The following RAB28 variants were observed in gnomAD, a reference collection of about 807,000 sequenced individuals.
RAB28 encodes the protein RAB28, member RAS oncogene family.
In RAB28, 24 loss-of-function variants were observed where a neutral mutation model predicts 31.7. The observed-to-expected ratio is 0.76, with a 90% CI of 0.55 to 1.06. RAB28 has a LOEUF of 1.06. Ranked by LOEUF, RAB28 falls within the 50% of genes least tolerant of loss-of-function variation. RAB28 has a pLI of 0.00. For missense variants in RAB28, 254 were observed against 258.5 expected, an observed-to-expected ratio of 0.98 and a Z score of 0.12; for synonymous variants, 100 against 90.4, an observed-to-expected ratio of 1.11 and a Z score of -0.60.
chr4:13,373,500 A>G (rs1012840022), intron 6 of RAB28, among the ~76,000 whole-genome samples: 1 of 152,104 alleles, frequency 6.6e-6, no homozygotes, highest in African/African-American at 2.4e-5. Flanking sequence ...GAGGATAGGG[A>G]CTTTCTCTTA....
chr4:13,369,735 G>A (rs903187965), intron 6 of RAB28: 18 of 839,716 alleles, frequency 2.1e-5, no homozygotes, highest in South Asian at 4.5e-5. Context: ...AAATCAAGAC[G>A]TAGACGTGAT....
chr4:13,399,723 CTATTTA>C (rs1711636993), intron 4 of RAB28, among the ~76,000 whole-genome samples: 1 of 152,086 alleles, frequency 6.6e-6, no homozygotes. Flanking sequence ...CATGAAATTT[CTATTTA>C]TGTTTTATGT....
chr4:13,416,123 G>A (rs1712766383), intron 4 of RAB28, among the ~76,000 whole-genome samples: 2 of 152,118 alleles, frequency 1.3e-5, no homozygotes, highest in Admixed American at 6.5e-5. Flanking sequence ...AGCAGGATGT[G>A]GGTGGGGCCA....
At chr4:13,448,797 T>C (rs1359291568) in intron 4 of RAB28, among the ~76,000 whole-genome samples, 1 of 152,008 alleles carries the variant, frequency 6.6e-6, no homozygotes, top group Admixed American at 6.6e-5. Context: ...TTTAAGTATA[T>C]ATAACAAAAT....
intron 4 of RAB28, among the ~76,000 whole-genome samples, chr4:13,427,442 G>A (rs73819854): frequency 0.056 from 8,479 of 152,248 alleles, 541 homozygotes; most frequent in African/African-American, 0.16. Context: ...CACTCCTTCT[G>A]CCTACAGGTA....
chr4:13,484,303 T>C lies in RAB28; in HGVS notation c.-153A>G, dbSNP rs538823325. ...GCAGGAGGTATTCGAGGAGAATCAC[T>C]CGGCAAGCGCCATCTTGCCCACCTC... On this transcript the variant is annotated 5_prime_UTR_variant, in exon 1 of 7. Coordinates refer to ENST00000330852, the MANE Select transcript of RAB28 (RefSeq NM_001017979.3). 383 of 635,730 alleles carry C rather than the reference T, an allele frequency of 6.0e-4. 1 individual carries two copies. The highest frequency in any genetic ancestry group is 2.3e-3 in the Admixed American group (96 of 41,770). 39.4% of individuals were successfully genotyped at this position (635,730 alleles called of 1,614,324 possible).
rs148710897 is a variant in RAB28 at position 13,368,511 on chromosome 4, C to T, written c.*47G>A. The T allele has an allele frequency of 8.8e-3, 13,871 of 1,575,366 alleles. 83 individuals are homozygous for T. The highest frequency in any genetic ancestry group is 0.011 in the Middle Eastern group (64 of 5,864). On this transcript the variant is annotated 3_prime_UTR_variant, in exon 7 of 7. Coordinates refer to ENST00000330852, the MANE Select transcript of RAB28 (RefSeq NM_001017979.3). ...GTTCCTAGAAGTCCTCGGGCCCACCCAGAGGTGAAGGGCAGCCAGAACTAT... is the reference window on the plus strand; with the variant it reads ...GTTCCTAGAAGTCCTCGGGCCCACCTAGAGGTGAAGGGCAGCCAGAACTAT...
intron 2 of RAB28, among the ~76,000 whole-genome samples, chr4:13,475,708 C>T (rs1291037172): frequency 6.6e-6 from 1 of 151,556 alleles, no homozygotes; most frequent in Non-Finnish European, 1.5e-5. Context: ...CAGACACACA[C>T]TTTCAACACT....
intron 4 of RAB28, among the ~76,000 whole-genome samples, chr4:13,392,210 C>G (rs1729669242): frequency 6.6e-6 from 1 of 152,110 alleles, no homozygotes; most frequent in Admixed American, 6.5e-5. Flanking sequence ...ACTTGGATAA[C>G]TTCCAGGATA....
At chr4:13,415,860 C>T (rs1712745644) in intron 4 of RAB28, among the ~76,000 whole-genome samples, 1 of 152,226 alleles carries the variant, frequency 6.6e-6, no homozygotes, top group African/African-American at 2.4e-5. Context: ...CTGGTGGGGA[C>T]TTGGAGAACC....
chr4:13,408,483 G>T (rs28697063), intron 4 of RAB28, among the ~76,000 whole-genome samples: 1 of 151,942 alleles, frequency 6.6e-6, no homozygotes, highest in Non-Finnish European at 1.5e-5. Flanking sequence ...CTTTTTTTGT[G>T]TGTGTCTCTG....
At chr4:13,463,338 T>C (rs1560142546) in intron 3 of RAB28, among the ~76,000 whole-genome samples, 2 of 152,174 alleles carry the variant, frequency 1.3e-5, no homozygotes, top group Admixed American at 6.5e-5. Flanking sequence ...ATGAGAGATA[T>C]GGAACAAACA....
At chr4:13,390,855 T>G (rs908787396) in intron 4 of RAB28, among the ~76,000 whole-genome samples, 4 of 152,154 alleles carry the variant, frequency 2.6e-5, no homozygotes, top group African/African-American at 7.2e-5. Flanking sequence ...TAGCCATATC[T>G]AGAAAGGTGA....
At chr4:13,445,984 C>T (rs1050594067) in intron 4 of RAB28, among the ~76,000 whole-genome samples, 1 of 152,286 alleles carries the variant, frequency 6.6e-6, no homozygotes, top group South Asian at 2.1e-4. Context: ...CGCCCCTCCC[C>T]CCAGGTGCTC....
intron 2 of RAB28, among the ~76,000 whole-genome samples, chr4:13,477,490 A>G (rs898746507): frequency 6.6e-6 from 1 of 151,620 alleles, no homozygotes; most frequent in African/African-American, 2.4e-5. Context: ...ATGTACATTA[A>G]AGTATATAAA....
rs145357403 is a variant in RAB28 at position 13,469,554 on chromosome 4, G to A, written c.261+4764C>T. ...AAAATACTACCATCCGTAGTATTTT[G>A]TAAACTTCAAGATTTTTAGTAAGTA... is the stretch of plus-strand genomic sequence containing the variant. On this transcript the variant is annotated intron_variant, in intron 3 of 6. Transcript: ENST00000330852. 4.5e-3 allele frequency among the ~76,000 whole-genome samples: 685 copies of A among 151,970 alleles called. 2 individuals carry two copies. The highest frequency in any genetic ancestry group is 6.8e-3 in the Middle Eastern group (2 of 294).
At chr4:13,390,255 C>T (rs1039595814) in intron 4 of RAB28, among the ~76,000 whole-genome samples, 1 of 152,120 alleles carries the variant, frequency 6.6e-6, no homozygotes, top group African/African-American at 2.4e-5. Context: ...CATTCCTATA[C>T]ACCAATAACA....
chr4:13,440,759 G>C (rs929550875), intron 4 of RAB28, among the ~76,000 whole-genome samples: 14 of 152,062 alleles, frequency 9.2e-5, no homozygotes, highest in African/African-American at 3.4e-4. Flanking sequence ...TGGAGACAGG[G>C]CCTTTAAAGA....
intron 4 of RAB28, among the ~76,000 whole-genome samples, chr4:13,412,802 CT>C (rs953538059): frequency 6.6e-6 from 1 of 152,036 alleles, no homozygotes; most frequent in African/African-American, 2.4e-5. Context: ...TACACAACTA[CT>C]TCTATAAAAT....
Sources: gnomAD v4.1 joint callset for allele counts (sites outside exome capture counted in the v4.1 genomes callset) on GRCh38, gnomAD v4.1.1 for gene constraint, MANE v1.5 for transcripts, NCBI Gene and HGNC (gene_info 2026-07-23, HGNC 2026-07-21) for gene names.